The following CAMK2B variants were observed in gnomAD, a reference collection of about 807,000 sequenced individuals.
CAMK2B encodes the protein calcium/calmodulin dependent protein kinase II beta.
CAMK2B carries 27 observed loss-of-function variants against 93.7 expected under a neutral mutation model. The observed-to-expected ratio is 0.29, with a 90% CI of 0.21 to 0.40. The LOEUF (loss-of-function observed/expected upper bound fraction) is 0.40, where lower values mean the gene tolerates loss of function less well. Among genes scored for constraint, CAMK2B ranks in the 10% least tolerant of loss-of-function variants. The pLI, the probability that CAMK2B is intolerant of heterozygous loss-of-function variation, is 1.00. For missense variants in CAMK2B, 568 were observed against 895.8 expected (o/e 0.63, Z 4.67); for synonymous variants, 374 against 358.8 (o/e 1.04, Z -0.48).
At chr7:44,291,089 C>T (rs1246824920) in intron 1 of CAMK2B, among the ~76,000 whole-genome samples, 2 of 152,182 alleles carry the variant, frequency 1.3e-5, no homozygotes, top group Admixed American at 6.5e-5. Context: ...ATGTCCCCCG[C>T]GCTGTTAATG....
At chr7:44,301,151 A>G (rs1173351724) in intron 1 of CAMK2B, among the ~76,000 whole-genome samples, 2 of 152,298 alleles carry the variant, frequency 1.3e-5, no homozygotes, top group East Asian at 3.9e-4. Flanking sequence ...TTTTAGGGAC[A>G]AGGTCTCACT....
chr7:44,264,765 CAGGGATTTGTGATGGCGG>C (rs1339374547), intron 2 of CAMK2B, among the ~76,000 whole-genome samples: 1 of 152,210 alleles, frequency 6.6e-6, no homozygotes, highest in East Asian at 1.9e-4. Context: ...CCAGGAGCCT[CAGGGATTTGTGATGGCGG>C]AACTGGAACC....
intron 20 of CAMK2B, among the ~76,000 whole-genome samples, chr7:44,223,598 C>T (rs1214796599): frequency 6.6e-6 from 1 of 152,028 alleles, no homozygotes; most frequent in African/African-American, 2.4e-5. Context: ...GGCCCGCCCC[C>T]GCCCCAGCTG....
At chr7:44,315,613 C>T (rs562966831) in intron 1 of CAMK2B, among the ~76,000 whole-genome samples, 18 of 152,092 alleles carry the variant, frequency 1.2e-4, no homozygotes, top group Non-Finnish European at 1.9e-4. Context: ...TTGCAAAAAA[C>T]GCAGCTGGAA....
At chr7:44,324,612 C>A (rs1281441160) in intron 1 of CAMK2B, among the ~76,000 whole-genome samples, 2 of 152,208 alleles carry the variant, frequency 1.3e-5, no homozygotes, top group Non-Finnish European at 2.9e-5. Flanking sequence ...CCCTTTAGGG[C>A]GCCCCCGCCA....
At chr7:44,242,825 C>T (rs959686065) in intron 8 of CAMK2B, among the ~76,000 whole-genome samples, 171 bp from the exon 9 acceptor site, 2 of 152,150 alleles carry the variant, frequency 1.3e-5, no homozygotes, top group South Asian at 2.1e-4. Context: ...AGGGCACAGC[C>T]GGCCCCCTGA....
intron 2 of CAMK2B, among the ~76,000 whole-genome samples, chr7:44,266,165 C>T (rs138686872): frequency 2.0e-5 from 3 of 152,092 alleles, no homozygotes; most frequent in East Asian, 3.9e-4. Context: ...TTTAAAAATT[C>T]GGGCAAAAAA....
intron 2 of CAMK2B, among the ~76,000 whole-genome samples, chr7:44,269,624 C>T (rs1309950457): frequency 2.0e-5 from 3 of 152,108 alleles, no homozygotes; most frequent in Non-Finnish European, 2.9e-5. Flanking sequence ...CCGGGCCCCC[C>T]GCCAGCCACC....
chr7:44,321,789 G>C (rs1453362212), intron 1 of CAMK2B, among the ~76,000 whole-genome samples: 1 of 152,158 alleles, frequency 6.6e-6, no homozygotes, highest in Non-Finnish European at 1.5e-5. Context: ...CAAAATGTGA[G>C]ACCTCTTCCT....
intron 13 of CAMK2B, among the ~76,000 whole-genome samples, chr7:44,235,958 G>A (rs1409047202): frequency 2.6e-5 from 4 of 152,100 alleles, no homozygotes; most frequent in Non-Finnish European, 5.9e-5. Context: ...GGACTGCAGC[G>A]CTTCTCAAAT....
chr7:44,268,435 G>A (rs577433863), intron 2 of CAMK2B, among the ~76,000 whole-genome samples: 1 of 152,318 alleles, frequency 6.6e-6, no homozygotes, highest in South Asian at 2.1e-4. Context: ...ACCAGGAGGG[G>A]CTCAAGGGCC....
intron 5 of CAMK2B, among the ~76,000 whole-genome samples, chr7:44,254,123 C>G (rs1004276653): frequency 3.3e-5 from 5 of 152,172 alleles, no homozygotes; most frequent in African/African-American, 1.2e-4. Flanking sequence ...CAGCTGACAT[C>G]TGCCATCCCT....
intron 1 of CAMK2B, among the ~76,000 whole-genome samples, chr7:44,316,763 T>C (rs1400505030): frequency 6.6e-6 from 1 of 152,228 alleles, no homozygotes; most frequent in Non-Finnish European, 1.5e-5. Context: ...TTCTAAGTAT[T>C]TGTCCATTTC....
At chr7:44,258,629 G>C (rs186704358) in intron 4 of CAMK2B, among the ~76,000 whole-genome samples, 2 of 152,342 alleles carry the variant, frequency 1.3e-5, no homozygotes, top group Admixed American at 1.3e-4. Flanking sequence ...AGGAGAGGGG[G>C]AGTCCAGGAT....
intron 15 of CAMK2B, 99 bp from the exon 16 acceptor site, chr7:44,232,965 G>A (rs2096593600): frequency 3.7e-6 from 4 of 1,090,550 alleles, no homozygotes; most frequent in Non-Finnish European, 5.6e-6. Flanking sequence ...CAGAGGAGGT[G>A]TGGGTGGCCA....
At chr7:44,317,731 G>C (rs1032797718) in intron 1 of CAMK2B, among the ~76,000 whole-genome samples, 4 of 152,238 alleles carry the variant, frequency 2.6e-5, no homozygotes, top group Admixed American at 6.5e-5. Flanking sequence ...GGACAATGCA[G>C]CTCTCGACAA....
At chr7:44,287,221 CCTT>C (rs1395237572) in intron 1 of CAMK2B, among the ~76,000 whole-genome samples, 7 of 145,752 alleles carry the variant, frequency 4.8e-5, no homozygotes, top group Non-Finnish European at 1.1e-4. Flanking sequence ...AAGCCCCAAA[CCTT>C]CTCTGAGTCC....
intron 1 of CAMK2B, among the ~76,000 whole-genome samples, chr7:44,289,113 C>G (rs1034208008): frequency 3.0e-4 from 46 of 152,188 alleles, no homozygotes; most frequent in African/African-American, 9.2e-4. Flanking sequence ...AGCTGCCCCC[C>G]CAACCCTCGT....
chr7:44,298,842 C>A (rs1002804188), intron 1 of CAMK2B, among the ~76,000 whole-genome samples: 2 of 151,912 alleles, frequency 1.3e-5, no homozygotes, highest in African/African-American at 4.9e-5. Flanking sequence ...ACTTCACATC[C>A]ATTAAGATGA....
Sources: gnomAD v4.1 joint callset for allele counts (sites outside exome capture counted in the v4.1 genomes callset) on GRCh38, gnomAD v4.1.1 for gene constraint, MANE v1.5 for transcripts, NCBI Gene and HGNC (gene_info 2026-07-23, HGNC 2026-07-21) for gene names.